Variants in ZNF530 observed in about 807,000 individuals in gnomAD.
The protein encoded by ZNF530 is zinc finger protein 530.
In ZNF530, 5 loss-of-function variants were observed where a neutral mutation model predicts 2.8. The ratio of observed to expected loss-of-function variants is 1.80; its 90% confidence interval spans 0.94 to 3.78. The LOEUF is 3.78. Among genes scored for constraint, ZNF530 ranks in the 30% most tolerant of loss-of-function variants. The pLI, the probability that ZNF530 is intolerant of heterozygous loss-of-function variation, is 0.00. For missense variants in ZNF530, 619 were observed against 673.3 expected, an observed-to-expected ratio of 0.92 and a Z score of 0.89; for synonymous variants, 229 against 235.0, an observed-to-expected ratio of 0.97 and a Z score of 0.23.
At chr19:57,605,098 G>A (rs1980433599) in intron 3 of ZNF530, 1 of 152,888 alleles carries the variant, frequency 6.5e-6, no homozygotes, top group Non-Finnish European at 1.5e-5. Context: ...CCTGTCCTGA[G>A]TTCTCAGTGA....
rs1317687166 is a variant in ZNF530 at position 57,609,293 on chromosome 19, T to C, written c.*1968T>C. ...TTGCAGTGAGCTGAGACCACACCAC[T>C]GCACTCCAGCCCGGGTGATGGAGTG... On this transcript the variant is annotated 3_prime_UTR_variant, in exon 4 of 4. Coordinates refer to ENST00000597700, the MANE Select transcript of ZNF530 (RefSeq NM_001321981.2). Among the ~76,000 whole-genome samples the C allele has an allele frequency of 6.6e-6, 1 of 151,512 alleles. No individual in the cohort carries two copies. Among genetic ancestry groups the C allele is most frequent in the African/African-American group, 2.4e-5 (1 of 41,234 alleles).
At position 57,599,992 on chromosome 19, in the gene ZNF530, T is replaced by C; in HGVS notation, c.-264T>C. On this transcript the variant is annotated 5_prime_UTR_variant, in exon 1 of 4. Transcript: ENST00000597700. ...TGACAGCGAGAAGGCGCGAGGAGAG[T>C]CGTTTTCTCAGCTGCACAGCCGGGG... The C allele has an allele frequency of 8.2e-7, 1 of 1,225,258 alleles. No individual in the cohort carries two copies. Among genetic ancestry groups the C allele is most frequent in the Non-Finnish European group, 1.1e-6 (1 of 912,366 alleles). 75.9% of individuals were successfully genotyped at this position (1,225,258 alleles called of 1,614,324 possible).
rs751816844 is a variant in ZNF530 at position 57,606,884 on chromosome 19, CAG to C, written c.1262_1263del (p.Arg421LysfsTer5). On this transcript the variant is annotated frameshift_variant, in exon 4 of 4. Transcript: ENST00000597700. LOFTEE classifies it low-confidence loss of function (END_TRUNC). ...GCCAAAGCTCTGGCCTCTTTCGACA[CAG>C]AAGAGCTCACACTAAAACAAAGCCT... The part of the protein sequence containing the change: ...FSQSSGLFRH[R>X]RAHTKTKPYE... The C allele has an allele frequency of 2.4e-5, 38 of 1,613,596 alleles. No individual in the cohort carries two copies. The highest frequency in any genetic ancestry group is 3.1e-5 in the Non-Finnish European group (37 of 1,179,918).
rs777683891 is a variant in ZNF530 at position 57,605,717 on chromosome 19, G to A, written c.93G>A (p.Thr31=). Residue 31 remains threonine, a synonymous_variant, in exon 4 of 4, where the codon ACG becomes ACA. Coordinates refer to ENST00000597700, the MANE Select transcript of ZNF530 (RefSeq NM_001321981.2). ...GCWCGAVDEG[T]PSAESVSVEE... is the part of the protein sequence containing the mutation. ...GGTGTGGAGCAGTAGATGAGGGGAC[G>A]CCTTCTGCAGAGAGCGTTTCTGTGG... 28 of 1,611,472 alleles carry A rather than the reference G, an allele frequency of 1.7e-5. No individual in the cohort carries two copies. In the South Asian group the frequency reaches 1.8e-4, roughly 10 times the overall value.
rs1360140619 is a variant in ZNF530, at chr19:57,609,888, G to A, written c.*2563G>A. Among the ~76,000 whole-genome samples, 3 of 151,880 alleles carry A rather than the reference G, an allele frequency of 2.0e-5. No individual in the cohort carries two copies. Among genetic ancestry groups the A allele is most frequent in the Non-Finnish European group, 2.9e-5 (2 of 68,016 alleles). ...GTGATCCAGTAGCAATCCTCTTAACGCTGATGGAAATGGCCTTCATTGCTC... is the reference window on the plus strand; with the variant it reads ...GTGATCCAGTAGCAATCCTCTTAACACTGATGGAAATGGCCTTCATTGCTC... On this transcript the variant is annotated 3_prime_UTR_variant, in exon 4 of 4. Transcript: ENST00000597700.
chr19:57,606,820 A>G lies in ZNF530; in HGVS notation c.1196A>G (p.Glu399Gly), dbSNP rs1218776701. 6.2e-7 allele frequency: 1 copy of G among 1,613,810 alleles called. No homozygotes were observed. Among genetic ancestry groups the G allele is most frequent in the Non-Finnish European group, 8.5e-7 (1 of 1,179,978 alleles). Residue 399 changes from glutamate (E) to glycine (G), a missense_variant, in exon 4 of 4, where the codon GAA (glutamate) becomes GGA (glycine). Glu to Gly is a moderately conservative substitution (Grantham distance 98). Coordinates refer to ENST00000597700, the MANE Select transcript of ZNF530 (RefSeq NM_001321981.2). ...CAACACCAAAGAGTTCACACTGGAGAAAGGCCTTATGAGTGCAGTGAATGT... is the reference window on the plus strand; with the variant it reads ...CAACACCAAAGAGTTCACACTGGAGGAAGGCCTTATGAGTGCAGTGAATGT... ...LIQHQRVHTG[E>G]RPYECSECGK...
At position 57,605,839 on chromosome 19, in the gene ZNF530, A is replaced by G. The variant is rs766074276; in HGVS notation, c.215A>G (p.Gln72Arg). Residue 72 changes from glutamine to arginine, a missense_variant, in exon 4 of 4, where the codon CAA becomes CGA. Transcript: ENST00000597700. ...ICTPVLRDIL[Q>R]MIELHASPCG... ...ACCCCAGTCCTGAGAGACATTTTAC[A>G]AATGATTGAGCTCCATGCCTCACCC... The G allele has an allele frequency of 1.9e-6, 3 of 1,614,182 alleles. No individual in the cohort carries two copies. The highest frequency in any genetic ancestry group is 2.2e-5 in the South Asian group (2 of 91,078).
chr19:57,606,740 A>T lies in ZNF530; in HGVS notation c.1116A>T (p.Arg372Ser). The part of the protein sequence containing the change: ...IHHQRFHTGE[R>S]PYVCSECGKS... ...ACCAAAGATTTCACACTGGAGAAAG[A>T]CCTTATGTGTGCAGTGAATGTGGGA... is the stretch of plus-strand genomic sequence containing the variant. Residue 372 changes from arginine to serine, a missense_variant, in exon 4 of 4, where the codon AGA becomes AGT. Physicochemically the swap from Arg to Ser is moderately radical, Grantham distance 110 (BLOSUM62 -1). Transcript: ENST00000597700. The T allele has an allele frequency of 6.2e-7, 1 of 1,607,682 alleles. No individual in the cohort carries two copies. The highest frequency in any genetic ancestry group is 8.5e-7 in the Non-Finnish European group (1 of 1,178,224).
In ZNF530 at chr19:57,606,318, A is replaced by G. The variant is rs373680974; in HGVS notation, c.694A>G (p.Arg232Gly). 2.8e-5 allele frequency: 45 copies of G among 1,614,098 alleles called. No homozygotes were observed. The highest frequency in any genetic ancestry group is 3.6e-5 in the Non-Finnish European group (43 of 1,180,050). Residue 232 changes from arginine (R) to glycine (G), a missense_variant, in exon 4 of 4, where the codon AGG becomes GGG. By Grantham distance (125) the Arg-to-Gly change is moderately radical (BLOSUM62 -2). Coordinates refer to ENST00000597700, the MANE Select transcript of ZNF530 (RefSeq NM_001321981.2). ...LRHRKAHGRT[R>G]THECSECGKS... ...ACACAGGAAAGCACACGGTAGAACA[A>G]GGACTCATGAATGTAGTGAATGTGG...
chr19:57,601,169 G>C (rs1980217187), intron 2 of ZNF530, among the ~76,000 whole-genome samples: 1 of 152,168 alleles, frequency 6.6e-6, no homozygotes. Context: ...GAAGAGGGAG[G>C]TGATCTTCCC....
intron 3 of ZNF530, chr19:57,605,428 G>A (rs1434280305): frequency 2.5e-6 from 1 of 400,002 alleles, no homozygotes; most frequent in East Asian, 4.6e-5. Flanking sequence ...ATCAGGGGAG[G>A]AAGTCCTGAT....
Position 57,609,195 on chromosome 19 carries a change from G to A in ZNF530, c.*1870G>A, listed in dbSNP as rs28735045. Among the ~76,000 whole-genome samples the A allele has an allele frequency of 8.5e-3, 1,291 of 152,010 alleles. 12 individuals carry two copies. Among genetic ancestry groups the A allele is most frequent in the African/African-American group, 0.029 (1,216 of 41,434 alleles). The stretch of plus-strand genomic sequence containing the variant: ...AAAATACAAAAATTAACCAGGTGCA[G>A]TGGTGCACGTCTATAATCCCAGCTG... On this transcript the variant is annotated 3_prime_UTR_variant, in exon 4 of 4. Coordinates refer to ENST00000597700, the MANE Select transcript of ZNF530 (RefSeq NM_001321981.2).
intron 1 of ZNF530, 145 bp downstream of exon 1, chr19:57,600,279 C>A: frequency 9.2e-7 from 1 of 1,090,640 alleles, no homozygotes. Context: ...TGGCAGGGAG[C>A]GGGAGAGCGA....
At position 57,599,922 on chromosome 19, in the gene ZNF530, C is replaced by G. The variant is rs1006840560; in HGVS notation, c.-334C>G. On this transcript the variant is annotated 5_prime_UTR_variant, in exon 1 of 4. Transcript: ENST00000597700. ...GTCCTCCCTGTGGCGGGCACTTTGG[C>G]TTGTGTCAGTTCCATCCGCGGGTGC... 17 of 610,982 alleles carry G rather than the reference C, an allele frequency of 2.8e-5. No homozygotes were observed. The highest frequency in any genetic ancestry group is 3.8e-5 in the Non-Finnish European group (14 of 372,440). 37.8% of individuals were successfully genotyped at this position (610,982 alleles called of 1,614,324 possible). A position where few individuals can be genotyped will look rare whatever the true frequency, so the allele number is the denominator to read the frequency against.
At position 57,607,404 on chromosome 19, in the gene ZNF530, GT is replaced by G; in HGVS notation, c.*80del. 1 of 1,413,674 alleles carries G rather than the reference GT, an allele frequency of 7.1e-7. No individual in the cohort carries two copies. The highest frequency in any genetic ancestry group is 1.4e-5 in the South Asian group (1 of 70,838). 87.6% of individuals were successfully genotyped at this position (1,413,674 alleles called of 1,614,324 possible). On this transcript the variant is annotated 3_prime_UTR_variant, in exon 4 of 4. Transcript: ENST00000597700. ...TCGTCACCCAGGCTGGAGTGCAATT[GT>G]GCAATCTCAGCTCACTGCAACCTCC...
Position 57,607,055 on chromosome 19 carries a change from G to T in ZNF530, c.1431G>T (p.Gln477His). The T allele has an allele frequency of 6.2e-7, 1 of 1,612,400 alleles. No homozygotes were observed. The highest frequency in any genetic ancestry group is 8.5e-7 in the Non-Finnish European group (1 of 1,179,252). ...GAAAAACCCACCTCATTCGACACCAGACTGTTCACACTAATGAAAGGCCTT... is the reference window on the plus strand; with the variant it reads ...GAAAAACCCACCTCATTCGACACCATACTGTTCACACTAATGAAAGGCCTT... The part of the protein sequence containing the change: ...FIRKTHLIRH[Q>H]TVHTNERPYE... The change falls in exon 4 of 4, where the codon CAG becomes CAT. Residue 477 changes from glutamine (Q) to histidine (H), a missense_variant. Physicochemically the swap from Gln to His is conservative, Grantham distance 24. Transcript: ENST00000597700.
chr19:57,608,388 A>G lies in ZNF530; in HGVS notation c.*1063A>G, dbSNP rs150114993. The G allele has an allele frequency of 6.6e-6, 1 of 152,224 alleles. No homozygotes were observed. 9.4% of individuals were successfully genotyped at this position (152,224 alleles called of 1,614,324 possible). On this transcript the variant is annotated 3_prime_UTR_variant, in exon 4 of 4. Transcript: ENST00000597700. ...AAATTTTGTTTGCCTCAGAGGGGACAGTATGCTCACAGAATATAGATTTTG... is the reference window on the plus strand; with the variant it reads ...AAATTTTGTTTGCCTCAGAGGGGACGGTATGCTCACAGAATATAGATTTTG...
downstream of ZNF530, among the ~76,000 whole-genome samples, chr19:57,611,559 A>T (rs1174434585): frequency 6.6e-6 from 1 of 152,116 alleles, no homozygotes; most frequent in Non-Finnish European, 1.5e-5. Flanking sequence ...CCCCCAGAGG[A>T]AGGTCAAATA....
chr19:57,610,478 A>G (rs887256907), downstream of ZNF530, among the ~76,000 whole-genome samples: 9 of 151,570 alleles, frequency 5.9e-5, no homozygotes, highest in Non-Finnish European at 1.2e-4. Flanking sequence ...TGTGCAGTAC[A>G]TTGCATGTTG....
Sources: gnomAD v4.1 joint callset for allele counts (sites outside exome capture counted in the v4.1 genomes callset) on GRCh38, gnomAD v4.1.1 for gene constraint, MANE v1.5 for transcripts, NCBI Gene and HGNC (gene_info 2026-07-23, HGNC 2026-07-21) for gene names.